The following YAF2 variants were observed in gnomAD, a reference collection of about 807,000 sequenced individuals.
YAF2 encodes YY1-associated factor 2.
YAF2 carries 7 observed loss-of-function variants against 20.1 expected under a neutral mutation model. The observed-to-expected ratio is 0.35, with a 90% confidence interval of 0.20 to 0.65. The LOEUF is 0.65. Ranked by LOEUF, YAF2 falls within the 30% of genes least tolerant of loss-of-function variation. YAF2 has a pLI of 0.69. For synonymous variants in YAF2, 74 were observed against 76.0 expected (o/e 0.97, Z 0.14); for missense variants, 151 against 219.2 (o/e 0.69, Z 1.96).
intron 2 of YAF2, among the ~76,000 whole-genome samples, chr12:42,173,603 T>C (rs1182085042): frequency 6.6e-6 from 1 of 152,198 alleles, no homozygotes; most frequent in African/African-American, 2.4e-5. Flanking sequence ...TTCTTTCATA[T>C]TATTCCAACT....
chr12:42,225,979 T>C (rs1415286513), intron 2 of YAF2, among the ~76,000 whole-genome samples: 1 of 152,208 alleles, frequency 6.6e-6, no homozygotes, highest in Non-Finnish European at 1.5e-5. Context: ...GTATGGCCAT[T>C]TTCACAATAT....
At chr12:42,228,727 G>A (rs1489565232) in intron 2 of YAF2, among the ~76,000 whole-genome samples, 2 of 72,718 alleles carry the variant, frequency 2.8e-5, no homozygotes, top group Admixed American at 1.1e-4. Context: ...CTGCCCGGCC[G>A]CCCCTACTGG....
intron 2 of YAF2, among the ~76,000 whole-genome samples, chr12:42,166,147 A>G (rs940643804): frequency 1.3e-5 from 2 of 151,416 alleles, no homozygotes; most frequent in African/African-American, 4.9e-5. Context: ...GCCCAACCTC[A>G]GGTGATCCGC....
At chr12:42,193,238 T>C (rs1264905786) in intron 2 of YAF2, among the ~76,000 whole-genome samples, 1 of 148,380 alleles carries the variant, frequency 6.7e-6, no homozygotes, top group Admixed American at 6.8e-5. Flanking sequence ...TCACTTGAAC[T>C]GGGGAGGCGG....
At chr12:42,160,895 A>G in intron 3 of YAF2, 69 bp from the exon 4 acceptor site, 1 of 1,369,332 alleles carries the variant, frequency 7.3e-7, no homozygotes, top group Non-Finnish European at 1.0e-6. Context: ...TATAATAAAT[A>G]ATAAAAGTGG....
At position 42,159,200 on chromosome 12, in the gene YAF2, G is replaced by C. The variant is rs1422876473; in HGVS notation, c.*1389C>G. On this transcript the variant is annotated 3_prime_UTR_variant, in exon 4 of 4. Coordinates refer to ENST00000534854, the MANE Select transcript of YAF2 (RefSeq NM_005748.6). ...AACCACCAAATATCACAACTGTTAG[G>C]GTCTACAGTTTTATTTTTTCTTCAA... The C allele has an allele frequency of 6.6e-6, 1 of 151,766 alleles. No individual in the cohort carries two copies. Among genetic ancestry groups the C allele is most frequent in the East Asian group, 1.9e-4 (1 of 5,184 alleles). 9.4% of individuals were successfully genotyped at this position (151,766 alleles called of 1,614,324 possible). A position where few individuals can be genotyped will look rare whatever the true frequency, so the allele number is the denominator to read the frequency against.
intron 2 of YAF2, chr12:42,233,581 A>G: frequency 1.3e-6 from 1 of 752,366 alleles, no homozygotes; most frequent in Non-Finnish European, 1.6e-6. Context: ...GTATGATCAC[A>G]GCTCACTGCA....
intron 2 of YAF2, among the ~76,000 whole-genome samples, chr12:42,201,805 CA>C (rs2066905444): frequency 6.6e-6 from 1 of 152,278 alleles, no homozygotes; most frequent in Admixed American, 6.5e-5. Context: ...CTCCTGACCT[CA>C]AGTGAACCAT....
intron 2 of YAF2, among the ~76,000 whole-genome samples, chr12:42,204,534 G>A (rs986128495): frequency 2.0e-5 from 3 of 152,196 alleles, no homozygotes; most frequent in Non-Finnish European, 4.4e-5. Flanking sequence ...ATATGCATAG[G>A]TTATATGCAA....
chr12:42,218,170 A>C (rs74431742), intron 2 of YAF2, among the ~76,000 whole-genome samples: 3 of 144,904 alleles, frequency 2.1e-5, no homozygotes, highest in Non-Finnish European at 4.5e-5. Flanking sequence ...GACAGTCTAC[A>C]TCAGGCTACT....
chr12:42,228,055 TCTGGGAGGTGAGGGGCG>T (rs2067807667), intron 2 of YAF2, among the ~76,000 whole-genome samples: 1 of 98,182 alleles, frequency 1.0e-5, no homozygotes, highest in Non-Finnish European at 2.0e-5. Flanking sequence ...AGCCGCCCCG[TCTGGGAGGTGAGGGGCG>T]CCTCTGCCCA....
intron 2 of YAF2, among the ~76,000 whole-genome samples, chr12:42,190,374 AT>A (rs2066583191): frequency 6.6e-6 from 1 of 152,202 alleles, no homozygotes; most frequent in South Asian, 2.1e-4. Flanking sequence ...ATGAAAAAGA[AT>A]TGTTAATACT....
chr12:42,173,124 G>A (rs1323092492), intron 2 of YAF2, among the ~76,000 whole-genome samples: 2 of 152,080 alleles, frequency 1.3e-5, no homozygotes, highest in East Asian at 3.9e-4. Flanking sequence ...ATGGGGTCTC[G>A]CTCTATTGCC....
intron 2 of YAF2, among the ~76,000 whole-genome samples, chr12:42,187,058 C>T (rs545228020): frequency 2.2e-4 from 33 of 152,226 alleles, no homozygotes; most frequent in African/African-American, 7.2e-4. Flanking sequence ...CCTAATAATA[C>T]AATATTGGTT....
chr12:42,228,482 G>T (rs1363631159), intron 2 of YAF2, among the ~76,000 whole-genome samples: 2 of 59,436 alleles, frequency 3.4e-5, no homozygotes, highest in East Asian at 1.3e-3. Context: ...GGTGGGGGGG[G>T]GGGGTCAGCC....
At chr12:42,235,426 A>G (rs558856750) in intron 2 of YAF2, 34 of 1,079,254 alleles carry the variant, frequency 3.2e-5, no homozygotes, top group Admixed American at 4.7e-5. Flanking sequence ...TTCTCTAGTA[A>G]CAATACCCTG....
intron 2 of YAF2, among the ~76,000 whole-genome samples, chr12:42,172,759 T>A (rs1170418123): frequency 6.6e-6 from 1 of 152,206 alleles, no homozygotes; most frequent in African/African-American, 2.4e-5. Context: ...AACTGATGAA[T>A]GGATAAATCA....
chr12:42,164,571 AT>A (rs1192687742), intron 2 of YAF2, among the ~76,000 whole-genome samples: 2 of 152,156 alleles, frequency 1.3e-5, no homozygotes, highest in Non-Finnish European at 2.9e-5. Context: ...AAACAATGAC[AT>A]TCTTTACTAA....
chr12:42,234,644 A>C (rs2068087682), intron 2 of YAF2: 1 of 984,620 alleles, frequency 1.0e-6, no homozygotes, highest in Admixed American at 6.1e-5. Context: ...TCTGTTGCAT[A>C]AAGAATTTGA....
Sources: allele counts gnomAD v4.1 joint callset (sites outside exome capture counted in the v4.1 genomes callset), GRCh38; gene constraint gnomAD v4.1.1; transcripts MANE v1.5; gene names NCBI Gene and HGNC (gene_info 2026-07-23, HGNC 2026-07-21).